EPHA7: variants seen among roughly 807,000 people sequenced by gnomAD.
EPHA7 encodes EPH receptor A7, also known as ephrin type-A receptor 7.
A neutral mutation model predicts 112.6 loss-of-function variants in EPHA7; 25 were observed. The ratio of observed to expected loss-of-function variants is 0.22; its 90% CI spans 0.16 to 0.31. The LOEUF (loss-of-function observed/expected upper bound fraction) is 0.31. Ranked by LOEUF, EPHA7 falls within the 10% of genes least tolerant of loss-of-function variation. The pLI is 1.00. For missense variants in EPHA7, 962 were observed against 1,212.6 expected (o/e 0.79, Z 3.07); for synonymous variants, 437 against 406.5 (o/e 1.07, Z -0.90).
At chr6:93,246,215 C>A (rs1332898236) in intron 15 of EPHA7, among the ~76,000 whole-genome samples, 1 of 151,958 alleles carries the variant, frequency 6.6e-6, no homozygotes, top group Non-Finnish European at 1.5e-5. Flanking sequence ...CCACGCCCAG[C>A]TAATTTTTGT....
In EPHA7 at chr6:93,414,699, T is replaced by A. The variant is rs751762712; in HGVS notation, c.162+4A>T. The stretch of plus-strand genomic sequence containing the variant: ...AGTGATATTTTATGATGAAAAAAAC[T>A]TACCCCATTGGGTGGAGAGGAAATC... On this transcript the variant is annotated splice_donor_region_variant and intron_variant, in intron 2 of 16. Coordinates refer to ENST00000369303, the MANE Select transcript of EPHA7 (RefSeq NM_004440.4). The A allele has an allele frequency of 6.2e-7, 1 of 1,610,222 alleles. No individual in the cohort carries two copies. The highest frequency in any genetic ancestry group is 8.5e-7 in the Non-Finnish European group (1 of 1,177,326).
chr6:93,407,289 C>T (rs1363672400), intron 3 of EPHA7, among the ~76,000 whole-genome samples: 1 of 152,048 alleles, frequency 6.6e-6, no homozygotes, highest in African/African-American at 2.4e-5. Context: ...GACTCACTAG[C>T]ATCCTCTCCC....
chr6:93,246,295 C>A (rs1769947404), intron 15 of EPHA7, among the ~76,000 whole-genome samples: 1 of 152,084 alleles, frequency 6.6e-6, no homozygotes, highest in African/African-American at 2.4e-5. Flanking sequence ...CGAGATCCAC[C>A]TACCTCGGCC....
chr6:93,324,891 T>C (rs551012497), intron 5 of EPHA7, among the ~76,000 whole-genome samples: 12 of 151,618 alleles, frequency 7.9e-5, no homozygotes, highest in Middle Eastern at 3.4e-3. Context: ...GAGGTTCATA[T>C]TGTAGAGGGC....
chr6:93,321,021 G>A (rs750584202), intron 5 of EPHA7, among the ~76,000 whole-genome samples: 2 of 151,550 alleles, frequency 1.3e-5, no homozygotes, highest in Non-Finnish European at 2.9e-5. Flanking sequence ...TACTTATCAC[G>A]TGTTATGAGG....
chr6:93,338,257 T>C (rs1454534540), intron 5 of EPHA7, among the ~76,000 whole-genome samples: 1 of 152,158 alleles, frequency 6.6e-6, no homozygotes, highest in African/African-American at 2.4e-5. Context: ...TCTTTTCTTG[T>C]GTTTTACATT....
At chr6:93,413,494 A>G (rs1043235835) in intron 2 of EPHA7, among the ~76,000 whole-genome samples, 1 of 151,936 alleles carries the variant, frequency 6.6e-6, no homozygotes, top group African/African-American at 2.4e-5. Context: ...GTCATTGGCA[A>G]GAAAGGTGTT....
intron 5 of EPHA7, among the ~76,000 whole-genome samples, chr6:93,319,800 A>G (rs996950647): frequency 6.6e-5 from 10 of 152,160 alleles, no homozygotes; most frequent in African/African-American, 1.4e-4. Flanking sequence ...GGTAGATTCA[A>G]TAAGATTTCC....
chr6:93,414,467 A>G (rs1779126278), intron 2 of EPHA7, among the ~76,000 whole-genome samples: 1 of 151,858 alleles, frequency 6.6e-6, no homozygotes, highest in South Asian at 2.1e-4. Flanking sequence ...GATTCCACAC[A>G]ATAAGAACTC....
At chr6:93,276,978 CA>C (rs1771501687) in intron 5 of EPHA7, among the ~76,000 whole-genome samples, 1 of 151,946 alleles carries the variant, frequency 6.6e-6, no homozygotes, top group Non-Finnish European at 1.5e-5. Context: ...GATCTTTCAG[CA>C]AATATATCAA....
intron 3 of EPHA7, among the ~76,000 whole-genome samples, chr6:93,384,923 T>C (rs1777525953): frequency 6.6e-6 from 1 of 152,162 alleles, no homozygotes; most frequent in Non-Finnish European, 1.5e-5. Context: ...AGATTTGGAA[T>C]ATGAAATAAC....
intron 5 of EPHA7, among the ~76,000 whole-genome samples, chr6:93,300,858 G>A (rs1455049993): frequency 2.6e-5 from 4 of 152,034 alleles, no homozygotes; most frequent in East Asian, 1.9e-4. Flanking sequence ...TGCAAACATC[G>A]AGTGTACTTA....
chr6:93,400,069 C>T (rs772594450), intron 3 of EPHA7, among the ~76,000 whole-genome samples: 26 of 151,772 alleles, frequency 1.7e-4, no homozygotes, highest in Non-Finnish European at 2.9e-4. Flanking sequence ...CATATCCTAC[C>T]GCACATCTCT....
rs1769654279 is a variant in EPHA7, at chr6:93,240,727, C to T, written c.*2699G>A. The T allele has an allele frequency of 4.7e-6, 1 of 213,402 alleles. No individual in the cohort carries two copies. Among genetic ancestry groups the T allele is most frequent in the African/African-American group, 2.3e-5 (1 of 43,772 alleles). 13.2% of individuals were successfully genotyped at this position (213,402 alleles called of 1,614,324 possible). ...GACGTTCACTTTCTCTACTTTTCCT[C>T]CCCTGAGCACTAATTTATTTAAAAA... On this transcript the variant is annotated 3_prime_UTR_variant, in exon 17 of 17. Coordinates refer to ENST00000369303, the MANE Select transcript of EPHA7 (RefSeq NM_004440.4).
At chr6:93,282,024 T>G (rs192992328) in intron 5 of EPHA7, among the ~76,000 whole-genome samples, 1 of 152,220 alleles carries the variant, frequency 6.6e-6, no homozygotes, top group East Asian at 1.9e-4. Flanking sequence ...TGTGCTTAAG[T>G]AAGCTTATTA....
At chr6:93,369,639 A>G (rs948182636) in intron 3 of EPHA7, among the ~76,000 whole-genome samples, 1 of 152,194 alleles carries the variant, frequency 6.6e-6, no homozygotes, top group Non-Finnish European at 1.5e-5. Flanking sequence ...CCACTATGTC[A>G]TTCACACTGC....
At chr6:93,248,120 A>G (rs1482953572) in intron 14 of EPHA7, among the ~76,000 whole-genome samples, 1 of 152,110 alleles carries the variant, frequency 6.6e-6, no homozygotes, top group Non-Finnish European at 1.5e-5. Context: ...CTGAGGAAAA[A>G]AAAAATCTTT....
At chr6:93,264,463 C>T in intron 8 of EPHA7, 131 bp downstream of exon 8, 1 of 521,152 alleles carries the variant, frequency 1.9e-6, no homozygotes, top group Non-Finnish European at 3.4e-6. Context: ...ACATTATTGA[C>T]CTTTAATGTT....
chr6:93,399,427 T>G (rs976284085), intron 3 of EPHA7, among the ~76,000 whole-genome samples: 2 of 152,116 alleles, frequency 1.3e-5, no homozygotes, highest in African/African-American at 4.8e-5. Flanking sequence ...ATTTAAAGAT[T>G]TTATTGAAGT....
Sources: gnomAD v4.1 joint callset for allele counts (sites outside exome capture counted in the v4.1 genomes callset) on GRCh38, gnomAD v4.1.1 for gene constraint, MANE v1.5 for transcripts, NCBI Gene and HGNC (gene_info 2026-07-23, HGNC 2026-07-21) for gene names.